Variants in SPRY3 observed in about 807,000 individuals in gnomAD.
The protein encoded by SPRY3 is protein sprouty homolog 3.
Under a neutral mutation model 20.2 loss-of-function variants are expected in SPRY3, and 15 were observed. The observed-to-expected ratio is 0.74, with a 90% CI of 0.50 to 1.14. The LOEUF is 1.14. Ranked by LOEUF, SPRY3 falls within the 50% of genes most tolerant of loss-of-function variation. SPRY3 has a pLI of 0.00. For synonymous variants in SPRY3, 143 were observed against 136.5 expected, an observed-to-expected ratio of 1.05 and a Z score of -0.33; for missense variants, 364 against 363.9, an observed-to-expected ratio of 1.00 and a Z score of 0.00.
intron 2 of SPRY3, among the ~76,000 whole-genome samples, chrX:155,719,685 G>A (rs1451831803): frequency 2.0e-5 from 3 of 152,018 alleles, no homozygotes; most frequent in Non-Finnish European, 4.4e-5. Context: ...CCTTTTCAGG[G>A]CCTAGCTCCC....
At chrX:155,667,726 G>T (rs1361163919) in intron 2 of SPRY3, among the ~76,000 whole-genome samples, 1 of 110,888 alleles carries the variant, frequency 9.0e-6, no homozygotes, top group Non-Finnish European at 1.9e-5. Context: ...ATTTGACAAA[G>T]GACTTGTGTT....
chrX:155,647,609 A>G (rs902081897), intron 1 of SPRY3, among the ~76,000 whole-genome samples: 6 of 111,114 alleles, frequency 5.4e-5, no homozygotes, highest in Admixed American at 9.6e-5. Flanking sequence ...TTCCAGCTTC[A>G]TCCATGTCCC....
chrX:155,700,162 GA>G (rs2068131968), intron 2 of SPRY3, among the ~76,000 whole-genome samples: 1 of 108,708 alleles, frequency 9.2e-6, no homozygotes, highest in Non-Finnish European at 1.9e-5. Flanking sequence ...CTCCAAAGAA[GA>G]TAAACAAATG....
intron 1 of SPRY3, among the ~76,000 whole-genome samples, chrX:155,615,035 CT>C (rs1325669135): frequency 6.1e-4 from 64 of 104,643 alleles, no homozygotes; most frequent in East Asian, 4.7e-3. Flanking sequence ...CAGAGTTTGG[CT>C]TTTTTTTTTT....
At chrX:155,767,357 C>T (rs1281315199) in intron 2 of SPRY3, among the ~76,000 whole-genome samples, 2 of 152,176 alleles carry the variant, frequency 1.3e-5, no homozygotes, top group East Asian at 3.9e-4. Flanking sequence ...CTAAGCTGAA[C>T]ACACTGCCAA....
At chrX:155,728,154 G>A (rs306914) in intron 2 of SPRY3, among the ~76,000 whole-genome samples, 19,660 of 152,172 alleles carry the variant, frequency 0.13, 2,170 homozygotes, top group African/African-American at 0.31. Context: ...TTGCAGAACA[G>A]CAGATCTTGC....
chrX:155,704,029 G>A (rs2090930212), intron 2 of SPRY3, among the ~76,000 whole-genome samples: 1 of 151,762 alleles, frequency 6.6e-6, no homozygotes, highest in Admixed American at 6.6e-5. Flanking sequence ...AGAAGGAAAG[G>A]CGTGTGCATT....
intron 2 of SPRY3, among the ~76,000 whole-genome samples, chrX:155,755,138 G>T (rs926137368): frequency 3.5e-5 from 5 of 140,902 alleles, no homozygotes; most frequent in African/African-American, 9.6e-5. Context: ...AAGTCTAACT[G>T]GAGAGTAATG....
chrX:155,741,368 T>C (rs1323319291), intron 2 of SPRY3, among the ~76,000 whole-genome samples: 1 of 152,140 alleles, frequency 6.6e-6, no homozygotes, highest in African/African-American at 2.4e-5. Flanking sequence ...AGACTGAACC[T>C]ATGACTGATT....
chrX:155,777,644 T>TATATATATATATATA (rs2091437033), downstream of SPRY3: 2 of 156,106 alleles, frequency 1.3e-5, no homozygotes, highest in African/African-American at 5.1e-5. Flanking sequence ...ATTATATATA[T>TATATATATATATATA]TCACACATCT....
downstream of SPRY3, chrX:155,781,348 C>G (rs1368488289): frequency 6.0e-6 from 1 of 166,804 alleles, no homozygotes; most frequent in Non-Finnish European, 1.5e-5. Context: ...ATCACAGTAC[C>G]CTGAGACCAA....
chrX:155,730,160 A>C (rs1334084949), intron 2 of SPRY3, among the ~76,000 whole-genome samples: 1 of 152,152 alleles, frequency 6.6e-6, no homozygotes, highest in African/African-American at 2.4e-5. Context: ...GAAACAAAGG[A>C]GAAGGGAATA....
At chrX:155,736,415 G>A (rs1185967352) in intron 2 of SPRY3, among the ~76,000 whole-genome samples, 6 of 151,804 alleles carry the variant, frequency 4.0e-5, no homozygotes, top group African/African-American at 1.5e-4. Flanking sequence ...GTATGAGAAA[G>A]TCTTTATTTC....
chrX:155,669,287 T>G (rs1252037698), intron 2 of SPRY3, among the ~76,000 whole-genome samples: 1 of 111,486 alleles, frequency 9.0e-6, no homozygotes, highest in Middle Eastern at 4.6e-3. Context: ...TTATATTACT[T>G]AAGTGTATTT....
At chrX:155,682,975 G>A (rs754348838) in intron 2 of SPRY3, among the ~76,000 whole-genome samples, 2 of 111,895 alleles carry the variant, frequency 1.8e-5, no homozygotes, top group Non-Finnish European at 3.8e-5. Flanking sequence ...AACTGCAGAT[G>A]TGGTAAAAAC....
At chrX:155,704,243 A>C (rs1310917450) in intron 2 of SPRY3, among the ~76,000 whole-genome samples, 1 of 151,892 alleles carries the variant, frequency 6.6e-6, no homozygotes, top group Non-Finnish European at 1.5e-5. Context: ...ATGAGTAATT[A>C]GTTAAATGTT....
At chrX:155,682,670 G>T (rs1396812945) in intron 2 of SPRY3, among the ~76,000 whole-genome samples, 1 of 111,883 alleles carries the variant, frequency 8.9e-6, no homozygotes, top group Non-Finnish European at 1.9e-5. Flanking sequence ...ACAGATGTGT[G>T]CCATCGCACC....
At chrX:155,778,168 G>A (rs1298151290), downstream of SPRY3, 1 of 166,990 alleles carries the variant, frequency 6.0e-6, no homozygotes, top group Non-Finnish European at 1.5e-5. Context: ...CTGACTCCCA[G>A]GTCCATGCTC....
At chrX:155,760,925 C>T (rs1296909131) in intron 2 of SPRY3, among the ~76,000 whole-genome samples, 2 of 152,080 alleles carry the variant, frequency 1.3e-5, no homozygotes, top group Admixed American at 6.5e-5. Flanking sequence ...ATGATTTGGT[C>T]CAAAATGTCA....
Sources: gnomAD v4.1 joint callset for allele counts (sites outside exome capture counted in the v4.1 genomes callset) on GRCh38, gnomAD v4.1.1 for gene constraint, MANE v1.5 for transcripts, NCBI Gene and HGNC (gene_info 2026-07-23, HGNC 2026-07-21) for gene names.